Variants in SCEL observed in about 807,000 individuals in gnomAD.
SCEL encodes the protein sciellin.
In SCEL, 113 loss-of-function variants were observed where a neutral mutation model predicts 117.6. The ratio of observed to expected loss-of-function variants is 0.96; its 90% CI spans 0.83 to 1.12. SCEL has a LOEUF of 1.12. Among genes scored for constraint, SCEL ranks in the 50% most tolerant of loss-of-function variants. The pLI, the probability that SCEL is intolerant of heterozygous loss-of-function variation, is 0.00. For missense variants in SCEL, 785 were observed against 810.8 expected (o/e 0.97, Z 0.39); for synonymous variants, 270 against 256.2 (o/e 1.05, Z -0.51).
intron 1 of SCEL, among the ~76,000 whole-genome samples, chr13:77,555,098 T>C (rs536511278): frequency 9.2e-5 from 14 of 152,282 alleles, no homozygotes; most frequent in Non-Finnish European, 1.9e-4. Flanking sequence ...AACATAGTCA[T>C]AAGATACAAT....
chr13:77,640,427 T>C (rs2090503420), intron 30 of SCEL, among the ~76,000 whole-genome samples: 1 of 152,188 alleles, frequency 6.6e-6, no homozygotes, highest in Non-Finnish European at 1.5e-5. Flanking sequence ...CCAGATTTAC[T>C]CTTGATTTCT....
intron 7 of SCEL, among the ~76,000 whole-genome samples, chr13:77,568,877 T>C (rs2085436209): frequency 1.3e-5 from 2 of 152,228 alleles, no homozygotes; most frequent in Non-Finnish European, 2.9e-5. Context: ...TAAAGTAATT[T>C]ATACACTGGA....
At chr13:77,551,680 G>T (rs868771569) in intron 1 of SCEL, among the ~76,000 whole-genome samples, 18 of 151,812 alleles carry the variant, frequency 1.2e-4, no homozygotes, top group Admixed American at 5.2e-4. Flanking sequence ...TCGTTTTTTT[G>T]TTTGTTTGTT....
At chr13:77,615,231 C>T (rs1019914302) in intron 24 of SCEL, among the ~76,000 whole-genome samples, 1 of 152,064 alleles carries the variant, frequency 6.6e-6, no homozygotes, top group Admixed American at 6.6e-5. Flanking sequence ...CCAATTCAAT[C>T]TCCTCATTTA....
In SCEL at chr13:77,645,153, G is replaced by C. The variant is rs1299026124; in HGVS notation, c.*879G>C. The C allele has an allele frequency of 6.6e-6, 1 of 151,886 alleles. No homozygotes were observed. The highest frequency in any genetic ancestry group is 1.5e-5 in the Non-Finnish European group (1 of 67,944). 9.4% of individuals were successfully genotyped at this position (151,886 alleles called of 1,614,324 possible). ...ATACTTATAATCCATTAGAAGTAAT[G>C]GTTATGGACTAAAAAGATATGTTCT... is the stretch of plus-strand genomic sequence containing the variant. On this transcript the variant is annotated 3_prime_UTR_variant, in exon 33 of 33. Transcript: ENST00000349847.
intron 20 of SCEL, among the ~76,000 whole-genome samples, chr13:77,608,526 G>C (rs1243587906): frequency 2.6e-5 from 4 of 152,174 alleles, no homozygotes; most frequent in African/African-American, 9.7e-5. Context: ...TTTGAACCCA[G>C]GAGGTGGAAG....
intron 12 of SCEL, among the ~76,000 whole-genome samples, chr13:77,594,695 G>A (rs1055050523): frequency 1.3e-5 from 2 of 152,214 alleles, no homozygotes; most frequent in African/African-American, 4.8e-5. Flanking sequence ...TTTACAGTGT[G>A]TGACATGATG....
chr13:77,537,372 T>C (rs2083464498), intron 1 of SCEL, among the ~76,000 whole-genome samples: 3 of 152,226 alleles, frequency 2.0e-5, no homozygotes, highest in Admixed American at 2.0e-4. Flanking sequence ...TCTTTTGTCT[T>C]ACTGAATTTT....
chr13:77,602,592 T>C (rs2087787521), intron 16 of SCEL, 62 bp from the exon 17 acceptor site: 4 of 1,411,640 alleles, frequency 2.8e-6, no homozygotes, highest in Middle Eastern at 1.8e-4. Flanking sequence ...TTCTTGATTA[T>C]ACAGATTTCA....
intron 29 of SCEL, among the ~76,000 whole-genome samples, chr13:77,635,479 A>T (rs1431354806): frequency 1.3e-5 from 2 of 152,168 alleles, no homozygotes; most frequent in South Asian, 4.1e-4. Flanking sequence ...TTTACATAAT[A>T]ATCTCTCACA....
At chr13:77,637,887 T>C (rs941017767) in intron 30 of SCEL, among the ~76,000 whole-genome samples, 6 of 152,228 alleles carry the variant, frequency 3.9e-5, no homozygotes, top group Non-Finnish European at 7.3e-5. Flanking sequence ...TTGCTGTTAG[T>C]GATCCTCTTT....
At chr13:77,608,746 A>C (rs1273412143) in intron 20 of SCEL, among the ~76,000 whole-genome samples, 2 of 152,214 alleles carry the variant, frequency 1.3e-5, no homozygotes, top group Non-Finnish European at 2.9e-5. Flanking sequence ...CATTAGATGG[A>C]ATGCTTAGGG....
At position 77,615,297 on chromosome 13, in the gene SCEL, C is replaced by G. The variant is rs568451425; in HGVS notation, c.1451+1342C>G. 7.2e-5 allele frequency among the ~76,000 whole-genome samples: 11 copies of G among 152,182 alleles called. No individual in the cohort carries two copies. The East Asian group carries it at 2.1e-3, about 29-fold the overall frequency. On this transcript the variant is annotated intron_variant, in intron 24 of 32. Coordinates refer to ENST00000349847, the MANE Select transcript of SCEL (RefSeq NM_144777.3). ...ATCTCACAGTCATCTGTGAGATCTT[C>G]TAACTCCCAGCCCAACTCCTAGTCT...
intron 24 of SCEL, among the ~76,000 whole-genome samples, chr13:77,616,370 T>C (rs924333320): frequency 1.3e-5 from 2 of 152,106 alleles, no homozygotes; most frequent in Non-Finnish European, 2.9e-5. Flanking sequence ...GAAATTAACC[T>C]CATTTTAAAG....
intron 1 of SCEL, among the ~76,000 whole-genome samples, chr13:77,547,334 C>T (rs1405627936): frequency 1.3e-5 from 2 of 152,140 alleles, no homozygotes; most frequent in Non-Finnish European, 2.9e-5. Context: ...TGATTACTAA[C>T]TGCTTTAAGA....
chr13:77,579,597 C>G (rs746045800), intron 9 of SCEL, among the ~76,000 whole-genome samples: 5 of 152,174 alleles, frequency 3.3e-5, no homozygotes, highest in Non-Finnish European at 7.3e-5. Context: ...CAGCTTCTAC[C>G]AGGGAGTCAT....
intron 23 of SCEL, among the ~76,000 whole-genome samples, chr13:77,613,322 G>T (rs144996612): frequency 3.3e-5 from 5 of 152,084 alleles, no homozygotes; most frequent in African/African-American, 7.2e-5. Context: ...TAAATGACTT[G>T]TGAAAAAACT....
At chr13:77,550,856 CA>C (rs1407807857) in intron 1 of SCEL, among the ~76,000 whole-genome samples, 1 of 152,080 alleles carries the variant, frequency 6.6e-6, no homozygotes, top group Non-Finnish European at 1.5e-5. Flanking sequence ...TGTTTTTAAC[CA>C]AAGGAATGTT....
chr13:77,587,490 C>A (rs1471176247), intron 9 of SCEL, among the ~76,000 whole-genome samples: 2 of 152,114 alleles, frequency 1.3e-5, no homozygotes, highest in African/African-American at 2.4e-5. Context: ...ATGCCTCTAT[C>A]TCCTTGCTTC....
Sources: gnomAD v4.1 joint callset for allele counts (sites outside exome capture counted in the v4.1 genomes callset) on GRCh38, gnomAD v4.1.1 for gene constraint, MANE v1.5 for transcripts, NCBI Gene and HGNC (gene_info 2026-07-23, HGNC 2026-07-21) for gene names.